FNDC3B: variants seen among roughly 807,000 people sequenced by gnomAD.
FNDC3B encodes fibronectin type III domain-containing protein 3B.
Under a neutral mutation model 151.5 loss-of-function variants are expected in FNDC3B, and 12 were observed. The observed-to-expected ratio is 0.08, with a 90% confidence interval of 0.05 to 0.13. The LOEUF is 0.13. FNDC3B is among the 10% of genes least tolerant of loss of function. The pLI, the probability that FNDC3B is intolerant of heterozygous loss-of-function variation, is 1.00. For missense variants in FNDC3B, 1,214 were observed against 1,505.3 expected (o/e 0.81, Z 3.20); for synonymous variants, 528 against 549.0 (o/e 0.96, Z 0.54).
rs752803562 is a variant in FNDC3B at position 172,344,109 on chromosome 3, T to C, written c.2101T>C (p.Cys701Arg). The change falls in exon 19 of 26, where the codon TGT (cysteine) becomes CGT (arginine). Residue 701 changes from cysteine (C) to arginine (R), a missense_variant. Physicochemically the swap from Cys to Arg is radical, Grantham distance 180. This residue lies in a region of FNDC3B where 380 missense variants were observed against 420.9 expected (regional missense o/e 0.90). Coordinates refer to ENST00000415807, the MANE Select transcript of FNDC3B (RefSeq NM_022763.4). The part of the protein sequence containing the change: ...EWDVPASESG[C>R]EVSEYSVEMT... Reference sequence around the variant, plus strand: ...AGATGTTCCTGCATCGGAAAGTGGCTGTGAGGTCTCAGAGTACAGCGTGGA... The same window carrying C: ...AGATGTTCCTGCATCGGAAAGTGGCCGTGAGGTCTCAGAGTACAGCGTGGA... The C allele has an allele frequency of 3.1e-6, 5 of 1,612,352 alleles. No individual in the cohort carries two copies. Among genetic ancestry groups the C allele is most frequent in the Non-Finnish European group, 4.2e-6 (5 of 1,179,288 alleles).
chr3:172,112,003 A>G (rs1720001224), intron 1 of FNDC3B, among the ~76,000 whole-genome samples: 1 of 152,248 alleles, frequency 6.6e-6, no homozygotes, highest in African/African-American at 2.4e-5. Context: ...GGAACAAGTT[A>G]TAATTGTAAA....
At chr3:172,319,459 A>G (rs1731974864) in intron 11 of FNDC3B, among the ~76,000 whole-genome samples, 1 of 152,130 alleles carries the variant, frequency 6.6e-6, no homozygotes, top group Admixed American at 6.5e-5. Context: ...ATCCTTGGCT[A>G]TTTCAGGCAG....
At chr3:172,139,930 G>C (rs111377229) in intron 3 of FNDC3B, among the ~76,000 whole-genome samples, 15,467 of 152,008 alleles carry the variant, frequency 0.1, 984 homozygotes, top group South Asian at 0.22. Flanking sequence ...CAAATTGCTG[G>C]GATTACAGGC....
chr3:172,349,126 C>CA (rs139525185), intron 21 of FNDC3B, among the ~76,000 whole-genome samples: 8,796 of 138,730 alleles, frequency 0.063, 731 homozygotes, highest in African/African-American at 0.2. Context: ...CCCTCCTCTA[C>CA]AAAAAAAAAA....
At chr3:172,061,478 C>T (rs6803876) in intron 1 of FNDC3B, among the ~76,000 whole-genome samples, 13,509 of 151,992 alleles carry the variant, frequency 0.089, 739 homozygotes, top group East Asian at 0.19. Flanking sequence ...GTGATCCTCC[C>T]GCCTCGGCCT....
chr3:172,275,302 G>T (rs929409182), intron 6 of FNDC3B, among the ~76,000 whole-genome samples: 1 of 152,026 alleles, frequency 6.6e-6, no homozygotes, highest in Non-Finnish European at 1.5e-5. Flanking sequence ...TTCATTCTGA[G>T]GGGGGGAAAT....
At chr3:172,292,145 G>A (rs1022928704) in intron 7 of FNDC3B, among the ~76,000 whole-genome samples, 7 of 152,088 alleles carry the variant, frequency 4.6e-5, no homozygotes, top group African/African-American at 1.4e-4. Context: ...GGGAAACCTC[G>A]GGCCAAGAGT....
intron 22 of FNDC3B, among the ~76,000 whole-genome samples, chr3:172,357,078 G>C (rs1734131922): frequency 6.6e-6 from 1 of 152,236 alleles, no homozygotes; most frequent in South Asian, 2.1e-4. Context: ...TTCTAAAGCA[G>C]GAGTGTATTT....
intron 3 of FNDC3B, among the ~76,000 whole-genome samples, chr3:172,192,241 T>C (rs1724556124): frequency 6.6e-6 from 1 of 151,158 alleles, no homozygotes. Context: ...GGCGTGATCT[T>C]GGCTCACTGC....
intron 6 of FNDC3B, among the ~76,000 whole-genome samples, chr3:172,277,980 C>G (rs1729519887): frequency 2.6e-5 from 4 of 152,170 alleles, no homozygotes. Flanking sequence ...TGCTGGAACT[C>G]TTGAGCCCTC....
chr3:172,330,692 T>A lies in FNDC3B; in HGVS notation c.1531T>A (p.Leu511Met), dbSNP rs1405063629. Residue 511 changes from leucine to methionine, a missense_variant, in exon 13 of 26, where the codon TTG (leucine) becomes ATG (methionine). Coordinates refer to ENST00000415807, the MANE Select transcript of FNDC3B (RefSeq NM_022763.4). Reference protein sequence around the residue: ...CSPEEVITYTLEIQEDENDNL... With the variant: ...CSPEEVITYTMEIQEDENDNL... ...ACCCGAGGAAGTGATCACCTACACC[T>A]TGGAAATTCAGGAGGATGAAAATGT... is the stretch of plus-strand genomic sequence containing the variant. The A allele has an allele frequency of 6.2e-7, 1 of 1,613,276 alleles. No homozygotes were observed. The highest frequency in any genetic ancestry group is 1.7e-5 in the Admixed American group (1 of 59,876).
intron 6 of FNDC3B, among the ~76,000 whole-genome samples, chr3:172,259,809 T>TA (rs1728549996): frequency 6.6e-6 from 1 of 152,228 alleles, no homozygotes; most frequent in Admixed American, 6.5e-5. Context: ...TAAAGATGTT[T>TA]ACTACATGAT....
intron 2 of FNDC3B, 50 bp from the exon 3 acceptor site, chr3:172,133,421 A>T: frequency 7.0e-7 from 1 of 1,419,000 alleles, no homozygotes; most frequent in African/African-American, 1.4e-5. Context: ...ACACTTAACA[A>T]ATCCCAGAGG....
intron 19 of FNDC3B, 143 bp from the exon 20 acceptor site, chr3:172,346,184 C>T: frequency 2.3e-6 from 1 of 438,826 alleles, no homozygotes; most frequent in Non-Finnish European, 4.1e-6. Context: ...AAGTGAAAAT[C>T]ATTGGGTAAT....
intron 22 of FNDC3B, among the ~76,000 whole-genome samples, chr3:172,357,249 A>G (rs896241900): frequency 6.6e-6 from 1 of 152,228 alleles, no homozygotes; most frequent in Admixed American, 6.5e-5. Context: ...AGCCTAGCCA[A>G]GAAGAATTTG....
chr3:172,071,750 A>C (rs1467733410), intron 1 of FNDC3B, among the ~76,000 whole-genome samples: 1 of 152,154 alleles, frequency 6.6e-6, no homozygotes, highest in African/African-American at 2.4e-5. Flanking sequence ...GGGTATGCAC[A>C]TTTTTGGGGG....
chr3:172,043,522 T>C (rs1377062959), intron 1 of FNDC3B, among the ~76,000 whole-genome samples: 1 of 152,132 alleles, frequency 6.6e-6, no homozygotes, highest in African/African-American at 2.4e-5. Flanking sequence ...CTATTTATTA[T>C]TATTATTGTT....
intron 6 of FNDC3B, among the ~76,000 whole-genome samples, chr3:172,264,852 C>T (rs757475944): frequency 6.6e-6 from 1 of 152,192 alleles, no homozygotes; most frequent in Non-Finnish European, 1.5e-5. Flanking sequence ...GAAAAGGAAG[C>T]ATTTCAGATA....
chr3:172,202,512 T>C (rs939573735), intron 3 of FNDC3B, among the ~76,000 whole-genome samples: 1 of 152,228 alleles, frequency 6.6e-6, no homozygotes, highest in African/African-American at 2.4e-5. Context: ...CTTTCTGTCA[T>C]ATCCTTTGAC....
Sources: gnomAD v4.1 joint callset for allele counts (sites outside exome capture counted in the v4.1 genomes callset) on GRCh38, gnomAD v4.1.1 for gene constraint, gnomAD v4.1.1 regional missense constraint, MANE v1.5 for transcripts, NCBI Gene and HGNC (gene_info 2026-07-23, HGNC 2026-07-21) for gene names.